Variants in TLK1 observed in about 807,000 individuals in gnomAD.
The protein encoded by TLK1 is serine/threonine-protein kinase tousled-like 1.
TLK1 carries 24 observed loss-of-function variants against 105.3 expected under a neutral mutation model. The ratio of observed to expected loss-of-function variants is 0.23; its 90% CI spans 0.17 to 0.32. The LOEUF is 0.32. TLK1 is among the 10% of genes least tolerant of loss of function. The pLI is 1.00. For synonymous variants in TLK1, 321 were observed against 310.4 expected (o/e 1.03, Z -0.36); for missense variants, 558 against 910.5 (o/e 0.61, Z 4.98).
chr2:171,100,739 G>A (rs1182154370), intron 2 of TLK1, among the ~76,000 whole-genome samples: 1 of 152,178 alleles, frequency 6.6e-6, no homozygotes, highest in Non-Finnish European at 1.5e-5. Context: ...ATAAAATGGT[G>A]TGGCTATTTT....
At chr2:171,206,268 T>C (rs2105322883) in intron 1 of TLK1, among the ~76,000 whole-genome samples, 1 of 152,310 alleles carries the variant, frequency 6.6e-6, no homozygotes, top group East Asian at 1.9e-4. Context: ...CAGCTGACAA[T>C]CAATAGCATC....
At chr2:171,101,467 A>G (rs1689689076) in intron 2 of TLK1, among the ~76,000 whole-genome samples, 1 of 152,154 alleles carries the variant, frequency 6.6e-6, no homozygotes, top group Non-Finnish European at 1.5e-5. Flanking sequence ...TTGCCAGGCA[A>G]TGCAGTGTAG....
chr2:171,219,805 T>A (rs1425792522), intron 1 of TLK1, among the ~76,000 whole-genome samples: 1 of 152,208 alleles, frequency 6.6e-6, no homozygotes, highest in Admixed American at 6.5e-5. Context: ...TTTGCCATGT[T>A]GGCCAGGCTA....
At position 171,069,880 on chromosome 2, in the gene TLK1, G is replaced by A. The variant is rs535883721; in HGVS notation, c.331-8724C>T. On this transcript the variant is annotated intron_variant, in intron 3 of 20. Transcript: ENST00000431350. Reference sequence around the variant, plus strand: ...ACCAACATAAACAAAAGCTCTTTAGGGTCCTTCAATTTTTAAAGTTAAAGA... The same window carrying A: ...ACCAACATAAACAAAAGCTCTTTAGAGTCCTTCAATTTTTAAAGTTAAAGA... 2.5e-4 allele frequency among the ~76,000 whole-genome samples: 38 copies of A among 152,092 alleles called. No homozygotes were observed. The South Asian group carries it at 7.7e-3, about 31-fold the overall frequency.
intron 1 of TLK1, among the ~76,000 whole-genome samples, chr2:171,156,851 G>A (rs1388708772): frequency 6.6e-6 from 1 of 151,986 alleles, no homozygotes; most frequent in Non-Finnish European, 1.5e-5. Context: ...TTTTTTTTGA[G>A]AAAGTATCTC....
At chr2:170,994,853 TG>T (rs201412246) in intron 20 of TLK1, 59 of 361,638 alleles carry the variant, frequency 1.6e-4, no homozygotes, top group East Asian at 1.1e-3. Context: ...CATCCTTTTT[TG>T]GGGGGGGAGG....
intron 7 of TLK1, chr2:171,054,132 T>C (rs1687382127): frequency 4.7e-6 from 1 of 213,582 alleles, no homozygotes; most frequent in Non-Finnish European, 9.2e-6. Context: ...TTCCTCTAGT[T>C]GATTTTTTTG....
intron 18 of TLK1, among the ~76,000 whole-genome samples, chr2:171,004,766 T>G (rs964296023): frequency 6.6e-6 from 1 of 152,132 alleles, no homozygotes; most frequent in African/African-American, 2.4e-5. Flanking sequence ...AATAAGATTT[T>G]GTTGTTAAAA....
At chr2:171,151,258 A>G (rs1364744264) in intron 1 of TLK1, among the ~76,000 whole-genome samples, 2 of 151,996 alleles carry the variant, frequency 1.3e-5, no homozygotes, top group East Asian at 3.9e-4. Context: ...CGCTCAAGCC[A>G]TCTGCCCACC....
chr2:171,230,951 T>A (rs1693985343), intron 1 of TLK1, among the ~76,000 whole-genome samples: 1 of 152,180 alleles, frequency 6.6e-6, no homozygotes, highest in South Asian at 2.1e-4. Flanking sequence ...TTAAAGGGCA[T>A]TTTACTGAAG....
intron 11 of TLK1, chr2:171,045,211 G>A (rs1295460801): frequency 3.5e-5 from 5 of 142,608 alleles, no homozygotes; most frequent in African/African-American, 5.2e-5. Context: ...AGACATTAGA[G>A]GGTACATGTA....
intron 5 of TLK1, among the ~76,000 whole-genome samples, chr2:171,056,991 T>C (rs1211651476): frequency 6.6e-6 from 1 of 152,042 alleles, no homozygotes; most frequent in African/African-American, 2.4e-5. Context: ...TCAACTATTT[T>C]AAACAGAATA....
At chr2:171,169,357 G>T (rs1267996194) in intron 1 of TLK1, among the ~76,000 whole-genome samples, 1 of 151,992 alleles carries the variant, frequency 6.6e-6, no homozygotes, top group Non-Finnish European at 1.5e-5. Flanking sequence ...GCAATAGTTT[G>T]CTTATAAGAG....
chr2:171,090,324 T>C (rs1689171499), intron 2 of TLK1, among the ~76,000 whole-genome samples: 1 of 151,950 alleles, frequency 6.6e-6, no homozygotes, highest in African/African-American at 2.4e-5. Flanking sequence ...TTTTAATATA[T>C]GATTTATAAT....
intron 13 of TLK1, among the ~76,000 whole-genome samples, chr2:171,013,396 T>G (rs1440213517): frequency 2.2e-5 from 3 of 138,944 alleles, no homozygotes; most frequent in Non-Finnish European, 3.1e-5. Context: ...CTAGGCTCAC[T>G]GCAGGCTCAG....
chr2:171,108,731 G>A (rs1690040767), intron 2 of TLK1, among the ~76,000 whole-genome samples: 1 of 151,882 alleles, frequency 6.6e-6, no homozygotes, highest in African/African-American at 2.4e-5. Context: ...AGCCTCCCAA[G>A]AAGCTGGGAC....
rs751049171 is a variant in TLK1, at chr2:171,082,887, G to A, written c.259-35C>T. 29 of 1,467,070 alleles carry A rather than the reference G, an allele frequency of 2.0e-5. No homozygotes were observed. The African/African-American group carries it at 3.3e-4, about 16-fold the overall frequency. 90.9% of individuals were successfully genotyped at this position (1,467,070 alleles called of 1,614,324 possible). A position where few individuals can be genotyped will look rare whatever the true frequency, so the allele number is the denominator to read the frequency against. On this transcript the variant is annotated intron_variant, in intron 2 of 20. Transcript: ENST00000431350. ...ATTTTTTAAAAGGTAAAAATTAGGA[G>A]TAATTTTTTTAAAGCAGCGGGAATA...
intron 1 of TLK1, among the ~76,000 whole-genome samples, chr2:171,181,668 C>A: frequency 6.6e-6 from 1 of 152,108 alleles, no homozygotes; most frequent in East Asian, 1.9e-4. Context: ...GCACCTGGCT[C>A]TTTTTAATAG....
At chr2:171,196,053 G>T (rs141777691) in intron 1 of TLK1, among the ~76,000 whole-genome samples, 1 of 47,568 alleles carries the variant, frequency 2.1e-5, no homozygotes, top group African/African-American at 6.0e-5. Context: ...AAAAAAAAAA[G>T]AAAGAAAGAA....
Sources: gnomAD v4.1 joint callset for allele counts (sites outside exome capture counted in the v4.1 genomes callset) on GRCh38, gnomAD v4.1.1 for gene constraint, MANE v1.5 for transcripts, NCBI Gene and HGNC (gene_info 2026-07-23, HGNC 2026-07-21) for gene names.